Variants in COL23A1 observed in about 807,000 individuals in gnomAD.
COL23A1 encodes collagen type XXIII alpha 1 chain.
COL23A1 carries 97 observed loss-of-function variants against 99.3 expected under a neutral mutation model. That is an observed-to-expected ratio of 0.98 (90% confidence interval 0.83 to 1.16). The LOEUF is 1.16. Among genes scored for constraint, COL23A1 ranks in the 50% most tolerant of loss-of-function variants. The probability of loss-of-function intolerance (pLI) is 0.00; values close to 1 mark genes in which losing one functional copy is unlikely to be tolerated. For missense variants in COL23A1, 762 were observed against 757.4 expected (o/e 1.01, Z -0.07); for synonymous variants, 320 against 308.2 (o/e 1.04, Z -0.40).
At chr5:178,275,379 C>T (rs1157193781) in intron 5 of COL23A1, among the ~76,000 whole-genome samples, 2 of 152,240 alleles carry the variant, frequency 1.3e-5, no homozygotes, top group Non-Finnish European at 2.9e-5. Context: ...CCAGCTCTGC[C>T]ACCTGTGAAG....
Position 178,252,447 on chromosome 5 carries a change from G to A in COL23A1, c.1014+97C>T, listed in dbSNP as rs187926551. The A allele has an allele frequency of 5.8e-3, 6,953 of 1,205,232 alleles. 44 individuals carry two copies. Among genetic ancestry groups the A allele is most frequent in the Non-Finnish European group, 7.3e-3 (6,252 of 861,352 alleles). 74.7% of individuals were successfully genotyped at this position (1,205,232 alleles called of 1,614,324 possible). A position where few individuals can be genotyped will look rare whatever the true frequency, so the allele number is the denominator to read the frequency against. On this transcript the variant is annotated intron_variant, in intron 17 of 28. Transcript: ENST00000390654. ...TCCCGGAAGCCAGGCCAGGACACCC[G>A]GAGGGAAGTGGAACAGGGTCACAGA...
intron 2 of COL23A1, among the ~76,000 whole-genome samples, chr5:178,521,830 G>A (rs1759963041): frequency 6.6e-6 from 1 of 152,160 alleles, no homozygotes; most frequent in Non-Finnish European, 1.5e-5. Context: ...CAGTTAAGAA[G>A]TTACCAGTGG....
rs541986614 is a variant in COL23A1 at position 178,276,584 on chromosome 5, C to T, written c.442-6221G>A. ...GCCTCCTCCCAGCTCTCATTAGAGC[C>T]GGCTGGTGGATAAGGGGTGGGTGGG... On this transcript the variant is annotated intron_variant, in intron 5 of 28. Coordinates refer to ENST00000390654, the MANE Select transcript of COL23A1 (RefSeq NM_173465.4). 9.3e-5 allele frequency among the ~76,000 whole-genome samples: 14 copies of T among 150,978 alleles called. No individual in the cohort carries two copies. The South Asian group carries it at 1.1e-3, about 11-fold the overall frequency.
intron 5 of COL23A1, among the ~76,000 whole-genome samples, chr5:178,270,986 G>A (rs1046957603): frequency 6.6e-6 from 1 of 152,234 alleles, no homozygotes; most frequent in African/African-American, 2.4e-5. Context: ...AAGGCTCTTT[G>A]AGCTTCCCAC....
chr5:178,439,643 C>CAGTT lies in COL23A1; in HGVS notation c.361+121035_361+121038dup, dbSNP rs1189577003. 2 of 152,260 alleles carry CAGTT rather than the reference C, an allele frequency of 1.3e-5. No homozygotes were observed. Among genetic ancestry groups the CAGTT allele is most frequent in the African/African-American group, 4.8e-5 (2 of 41,458 alleles). The allele number at this position is 152,260 out of a possible 1,614,324, so 9.4% of individuals were successfully genotyped here. A position where few individuals can be genotyped will look rare whatever the true frequency, so the allele number is the denominator to read the frequency against. ...GCAGCTGCTTCAGAAGTCAGCGAGG[C>CAGTT]AGTTTCTTAAAGAGTTAAACATACG... On this transcript the variant is annotated intron_variant, in intron 2 of 28. Transcript: ENST00000390654. This position sits in a 1 kb window ranked among gnomAD's most constrained non-coding sequence, Gnocchi z 4.2.
At chr5:178,486,550 G>T (rs1385564926) in intron 2 of COL23A1, among the ~76,000 whole-genome samples, 1 of 149,736 alleles carries the variant, frequency 6.7e-6, no homozygotes, top group Non-Finnish European at 1.5e-5. Context: ...TTGAAAAAAA[G>T]AAACGAATAA....
At chr5:178,553,652 C>T (rs57663317) in intron 2 of COL23A1, among the ~76,000 whole-genome samples, 4 of 152,114 alleles carry the variant, frequency 2.6e-5, no homozygotes, top group African/African-American at 7.2e-5. Context: ...AACAGCGTGA[C>T]GGGCAGAAGC....
Position 178,384,864 on chromosome 5 carries a change from C to T in COL23A1, c.362-77945G>A, listed in dbSNP as rs888283946. ...CATTAAAAGGTCCGTAACAGAAAAG[C>T]GGGAAATAGCCTGCAAGGAGGAAGA... On this transcript the variant is annotated intron_variant, in intron 2 of 28. Coordinates refer to ENST00000390654, the MANE Select transcript of COL23A1 (RefSeq NM_173465.4). This position sits in a 1 kb window ranked among gnomAD's most constrained non-coding sequence, Gnocchi z 5.5. Among the ~76,000 whole-genome samples the T allele has an allele frequency of 6.6e-5, 10 of 152,188 alleles. No individual in the cohort carries two copies. The highest frequency in any genetic ancestry group is 4.6e-4 in the Admixed American group (7 of 15,278).
At chr5:178,410,478 C>T (rs1412873610) in intron 2 of COL23A1, among the ~76,000 whole-genome samples, 2 of 152,272 alleles carry the variant, frequency 1.3e-5, no homozygotes, top group African/African-American at 4.8e-5. Context: ...AAACTTACTA[C>T]AAAGCTATGG....
chr5:178,260,022 G>A (rs1047658189), intron 11 of COL23A1, among the ~76,000 whole-genome samples: 6 of 152,234 alleles, frequency 3.9e-5, no homozygotes, highest in Admixed American at 6.5e-5. Flanking sequence ...AGGATGAGGC[G>A]CTGGCTAAGC....
chr5:178,332,061 C>T (rs982350276), intron 2 of COL23A1, among the ~76,000 whole-genome samples: 1 of 152,280 alleles, frequency 6.6e-6, no homozygotes, highest in Non-Finnish European at 1.5e-5. Flanking sequence ...TGCTCAGGAG[C>T]CTTCTGGCGG....
At chr5:178,335,383 T>C (rs1017214995) in intron 2 of COL23A1, among the ~76,000 whole-genome samples, 4 of 152,208 alleles carry the variant, frequency 2.6e-5, no homozygotes, top group Admixed American at 6.5e-5. Flanking sequence ...AGAGGCATAA[T>C]TGAATTTTAA....
rs571985429 is a variant in COL23A1, at chr5:178,502,289, G to A, written c.361+58393C>T. On this transcript the variant is annotated intron_variant, in intron 2 of 28. Coordinates refer to ENST00000390654, the MANE Select transcript of COL23A1 (RefSeq NM_173465.4). ...TGGGACTACAGGCGCCCGCCACCAC[G>A]CCCGGCTAATTTTTTGTATTTTTAG... 6.1e-3 allele frequency among the ~76,000 whole-genome samples: 928 copies of A among 152,166 alleles called. 6 individuals are homozygous for A. The highest frequency in any genetic ancestry group is 9.1e-3 in the Non-Finnish European group (619 of 68,016).
chr5:178,472,213 G>A (rs1756791695), intron 2 of COL23A1, among the ~76,000 whole-genome samples: 1 of 152,190 alleles, frequency 6.6e-6, no homozygotes, highest in Admixed American at 6.5e-5. Flanking sequence ...AAGCTGCATG[G>A]AAAAGCTGTG....
intron 2 of COL23A1, among the ~76,000 whole-genome samples, chr5:178,518,203 G>C (rs112984775): frequency 3.6e-5 from 5 of 139,608 alleles, no homozygotes; most frequent in African/African-American, 1.4e-4. Context: ...CAGAGAGCAC[G>C]GGGTTGGGGG....
chr5:178,341,978 T>G (rs1244096247), intron 2 of COL23A1, among the ~76,000 whole-genome samples: 2 of 152,162 alleles, frequency 1.3e-5, no homozygotes, highest in Non-Finnish European at 2.9e-5. Context: ...CTACCATTTT[T>G]CGTAACACAC....
At chr5:178,431,219 C>G (rs1766245878) in intron 2 of COL23A1, among the ~76,000 whole-genome samples, 1 of 152,132 alleles carries the variant, frequency 6.6e-6, no homozygotes, top group African/African-American at 2.4e-5. Flanking sequence ...GGGAGCTGGG[C>G]TTGGGGTTGC....
chr5:178,497,133 G>C lies in COL23A1; in HGVS notation c.361+63549C>G, dbSNP rs577803320. On this transcript the variant is annotated intron_variant, in intron 2 of 28. Coordinates refer to ENST00000390654, the MANE Select transcript of COL23A1 (RefSeq NM_173465.4). ...AGGAAACACTCTTTGAGTCAGTACTGCTACCAAAAGAAGCAAATGGTTTGT... is the reference window on the plus strand; with the variant it reads ...AGGAAACACTCTTTGAGTCAGTACTCCTACCAAAAGAAGCAAATGGTTTGT... Among the ~76,000 whole-genome samples the C allele has an allele frequency of 1.7e-3, 251 of 152,120 alleles. 1 individual carries two copies. Among genetic ancestry groups the C allele is most frequent in the Non-Finnish European group, 2.8e-3 (190 of 68,032 alleles).
chr5:178,580,865 C>G lies in COL23A1; in HGVS notation c.294+9039G>C, dbSNP rs552855472. On this transcript the variant is annotated intron_variant, in intron 1 of 28. Transcript: ENST00000390654. ...CAAGACAATAACTTTACAAATTAGC[C>G]AGCTGTGGTGGTGCTCACCTGTAGT... 9.2e-5 allele frequency among the ~76,000 whole-genome samples: 14 copies of G among 152,222 alleles called. No individual in the cohort carries two copies. The South Asian group carries it at 2.7e-3, about 29-fold the overall frequency.
Sources: gnomAD v4.1 joint callset for allele counts (sites outside exome capture counted in the v4.1 genomes callset) on GRCh38, gnomAD v4.1.1 for gene constraint, Gnocchi (gnomAD v3.1) non-coding constraint, MANE v1.5 for transcripts, NCBI Gene and HGNC (gene_info 2026-07-23, HGNC 2026-07-21) for gene names.